The following PRELID2 variants were observed in gnomAD, a reference collection of about 807,000 sequenced individuals.
PRELID2 encodes PRELI domain-containing protein 2.
In PRELID2, 25 loss-of-function variants were observed where a neutral mutation model predicts 28.4. That is an observed-to-expected ratio of 0.88 (90% CI 0.64 to 1.23). The LOEUF (loss-of-function observed/expected upper bound fraction) is 1.23, where lower values mean the gene tolerates loss of function less well. Ranked by LOEUF, PRELID2 falls within the 50% of genes most tolerant of loss-of-function variation. The probability of loss-of-function intolerance (pLI) is 0.00; values close to 1 mark genes in which losing one functional copy is unlikely to be tolerated. For synonymous variants in PRELID2, 76 were observed against 71.6 expected (o/e 1.06, Z -0.31); for missense variants, 201 against 214.4 (o/e 0.94, Z 0.39).
At chr5:145,651,634 C>A (rs879386802) in intron 1 of PRELID2, among the ~76,000 whole-genome samples, 1 of 152,188 alleles carries the variant, frequency 6.6e-6, no homozygotes, top group Admixed American at 6.5e-5. Flanking sequence ...CTGCTGATAC[C>A]CAGGCAAACA....
At chr5:145,826,392 A>T (rs1755195421) in intron 1 of PRELID2, among the ~76,000 whole-genome samples, 1 of 152,206 alleles carries the variant, frequency 6.6e-6, no homozygotes, top group African/African-American at 2.4e-5. Context: ...GCTGATCACA[A>T]ACTGCAGTGT....
At chr5:145,320,680 T>C in the PRELID2 span, among the ~76,000 whole-genome samples, 1 of 152,198 alleles carries the variant, frequency 6.6e-6, no homozygotes, top group African/African-American at 2.4e-5. Context: ...ATATGCCTTT[T>C]TTCGATCACT....
chr5:145,800,334 AC>A (rs980807451), intron 4 of PRELID2, among the ~76,000 whole-genome samples: 9 of 149,620 alleles, frequency 6.0e-5, no homozygotes, highest in East Asian at 2.0e-4. Flanking sequence ...ACACACACAC[AC>A]GAGTTATCCC....
chr5:145,502,176 TAC>T (rs1752365422), intron 1 of PRELID2, among the ~76,000 whole-genome samples: 1 of 152,016 alleles, frequency 6.6e-6, no homozygotes, highest in Non-Finnish European at 1.5e-5. Context: ...TCAGGGAACA[TAC>T]AGTCACAGTG....
At chr5:145,540,742 T>C (rs1342225630) in intron 1 of PRELID2, among the ~76,000 whole-genome samples, 1 of 149,358 alleles carries the variant, frequency 6.7e-6, no homozygotes, top group Non-Finnish European at 1.5e-5. Context: ...GAGACTGTTT[T>C]GGGGAAAAAA....
the PRELID2 span, among the ~76,000 whole-genome samples, chr5:145,302,562 A>G: frequency 1.3e-5 from 2 of 152,016 alleles, no homozygotes; most frequent in African/African-American, 4.8e-5. Context: ...CAATATAGAT[A>G]GAGTTGAATT....
chr5:145,466,595 G>C, the PRELID2 span, among the ~76,000 whole-genome samples: 1 of 152,098 alleles, frequency 6.6e-6, no homozygotes, highest in Non-Finnish European at 1.5e-5. Context: ...CACTAAGTAA[G>C]AATGTAAAAT....
At chr5:145,486,692 T>G (rs1457192650) in intron 1 of PRELID2, among the ~76,000 whole-genome samples, 2 of 152,182 alleles carry the variant, frequency 1.3e-5, no homozygotes, top group African/African-American at 4.8e-5. Flanking sequence ...ATCATAAGCA[T>G]CAGTAGAATA....
chr5:145,643,533 G>T (rs1409425797), intron 1 of PRELID2, among the ~76,000 whole-genome samples: 2 of 152,170 alleles, frequency 1.3e-5, no homozygotes, highest in Admixed American at 6.5e-5. Context: ...GCCCTGGCCA[G>T]AACTTCCAAT....
intron 1 of PRELID2, among the ~76,000 whole-genome samples, chr5:145,499,309 C>T (rs1752337767): frequency 6.6e-6 from 1 of 152,102 alleles, no homozygotes; most frequent in Non-Finnish European, 1.5e-5. Flanking sequence ...TTTATTTCTG[C>T]ATATGGAGAA....
At chr5:145,407,992 C>T in the PRELID2 span, among the ~76,000 whole-genome samples, 4 of 152,094 alleles carry the variant, frequency 2.6e-5, no homozygotes, top group African/African-American at 9.7e-5. Flanking sequence ...AGACATTCCC[C>T]AGCACCAGCC....
chr5:145,765,701 G>A (rs77695513), intron 5 of PRELID2, among the ~76,000 whole-genome samples: 3,573 of 152,094 alleles, frequency 0.023, 63 homozygotes, highest in South Asian at 0.06. Flanking sequence ...ATCCCTTCCC[G>A]TACCCCATGA....
At chr5:145,664,122 G>A (rs1253797738) in intron 1 of PRELID2, among the ~76,000 whole-genome samples, 1 of 152,116 alleles carries the variant, frequency 6.6e-6, no homozygotes, top group Admixed American at 6.6e-5. Flanking sequence ...ATGTAAATAA[G>A]TCATATAGAG....
chr5:145,250,150 C>A, the PRELID2 span, among the ~76,000 whole-genome samples: 1 of 151,992 alleles, frequency 6.6e-6, no homozygotes, highest in South Asian at 2.1e-4. Flanking sequence ...GGGGAGAAAC[C>A]ATTACTCTTT....
intron 1 of PRELID2, among the ~76,000 whole-genome samples, chr5:145,573,503 C>A (rs548331333): frequency 3.9e-4 from 60 of 152,186 alleles, no homozygotes; most frequent in African/African-American, 1.4e-3. Flanking sequence ...CCCCTTTCCT[C>A]TGCCCGCACA....
At chr5:145,432,529 T>C in the PRELID2 span, among the ~76,000 whole-genome samples, 2 of 151,500 alleles carry the variant, frequency 1.3e-5, no homozygotes, top group Admixed American at 1.3e-4. Flanking sequence ...TTTCAAGAAA[T>C]TCAAAGCTGC....
Position 145,796,550 on chromosome 5 carries a change from G to A in PRELID2, c.369-3C>T. On this transcript the variant is annotated splice_region_variant and splice_polypyrimidine_tract_variant and intron_variant, in intron 4 of 6. Coordinates refer to ENST00000683046, the MANE Select transcript of PRELID2 (RefSeq NM_205846.3). Reference sequence around the variant, plus strand: ...TGCCTCTTTGAATGAACTCTGTCCTGCAAAAAAAACAAAAAACACATCTTT... The same window carrying A: ...TGCCTCTTTGAATGAACTCTGTCCTACAAAAAAAACAAAAAACACATCTTT... The A allele has an allele frequency of 1.3e-6, 2 of 1,576,348 alleles. No homozygotes were observed. The highest frequency in any genetic ancestry group is 1.7e-6 in the Non-Finnish European group (2 of 1,160,692).
the PRELID2 span, among the ~76,000 whole-genome samples, chr5:145,415,203 A>G: frequency 7.9e-5 from 12 of 152,110 alleles, no homozygotes; most frequent in Admixed American, 7.2e-4. Context: ...CTAAATGGAA[A>G]TCGAACAACG....
chr5:145,637,728 T>C (rs1237308212), intron 1 of PRELID2, among the ~76,000 whole-genome samples: 3 of 152,088 alleles, frequency 2.0e-5, no homozygotes, highest in Non-Finnish European at 4.4e-5. Flanking sequence ...ACTGCCTCTT[T>C]GAACACACAC....
Sources: gnomAD v4.1 joint callset for allele counts (sites outside exome capture counted in the v4.1 genomes callset) on GRCh38, gnomAD v4.1.1 for gene constraint, MANE v1.5 for transcripts, NCBI Gene and HGNC (gene_info 2026-07-23, HGNC 2026-07-21) for gene names.